Variants in CKM observed in about 807,000 individuals in gnomAD.
CKM encodes creatine kinase M-type.
In CKM, 28 loss-of-function variants were observed where a neutral mutation model predicts 35.4. The observed-to-expected ratio is 0.79, with a 90% CI of 0.59 to 1.08. The LOEUF (loss-of-function observed/expected upper bound fraction) is 1.08. Among genes scored for constraint, CKM ranks in the 50% least tolerant of loss-of-function variants. CKM has a pLI of 0.00. For synonymous variants in CKM, 215 were observed against 204.4 expected, an observed-to-expected ratio of 1.05 and a Z score of -0.44; for missense variants, 484 against 509.8, an observed-to-expected ratio of 0.95 and a Z score of 0.49.
rs427868 is a variant in CKM at position 45,311,092 on chromosome 19, A to T, written c.653+657T>A. Among the ~76,000 whole-genome samples, 190 of 131,678 alleles carry T rather than the reference A, an allele frequency of 1.4e-3. 1 individual carries two copies. Among genetic ancestry groups the T allele is most frequent in the African/African-American group, 4.9e-3 (169 of 34,434 alleles). The allele number at this position is 131,678 out of a possible 152,430, so 86.4% of individuals were successfully genotyped here. On this transcript the variant is annotated intron_variant, in intron 5 of 7. Coordinates refer to ENST00000221476, the MANE Select transcript of CKM (RefSeq NM_001824.5). ...ACCGCGCCTGGCTTTTTTTTTTTTT[A>T]ATTTTTGTAGCGACGTGGTCTCCCT...
intron 3 of CKM, among the ~76,000 whole-genome samples, chr19:45,317,468 G>A (rs1488003469): frequency 6.6e-6 from 1 of 151,922 alleles, no homozygotes; most frequent in Non-Finnish European, 1.5e-5. Context: ...TGTATTTTTA[G>A]TAGAGACGGG....
In CKM at chr19:45,308,449, A is replaced by T; in HGVS notation, c.737T>A (p.Met246Lys). The T allele has an allele frequency of 6.2e-7, 1 of 1,614,164 alleles. No individual in the cohort carries two copies. The highest frequency in any genetic ancestry group is 8.5e-7 in the Non-Finnish European group (1 of 1,180,016). The change falls in exon 6 of 8, where the codon ATG becomes AAG. Residue 246 changes from methionine (M) to lysine (K), a missense_variant. Met to Lys is a moderately conservative substitution (Grantham distance 95). Coordinates refer to ENST00000221476, the MANE Select transcript of CKM (RefSeq NM_001824.5). ...RVISMEKGGN[M>K]KEVFRRFCVG... ...GCAGAAGCGGCGGAAAACCTCCTTCATGTTGCCCCCCTTCTCCATGGAGAT... is the reference window on the plus strand; with the variant it reads ...GCAGAAGCGGCGGAAAACCTCCTTCTTGTTGCCCCCCTTCTCCATGGAGAT...
chr19:45,312,409 C>G (rs1036589247), intron 4 of CKM, among the ~76,000 whole-genome samples: 5 of 151,548 alleles, frequency 3.3e-5, no homozygotes, highest in African/African-American at 1.2e-4. Context: ...GGTAACATAG[C>G]AAGACCCCCA....
Position 45,306,652 on chromosome 19 carries a change from G to T in CKM, c.*98C>A. 1.5e-6 allele frequency: 2 copies of T among 1,338,980 alleles called. No individual in the cohort carries two copies. Among genetic ancestry groups the T allele is most frequent in the Non-Finnish European group, 2.1e-6 (2 of 942,222 alleles). 82.9% of individuals were successfully genotyped at this position (1,338,980 alleles called of 1,614,324 possible). On this transcript the variant is annotated 3_prime_UTR_variant, in exon 8 of 8. Transcript: ENST00000221476. The surrounding 1 kb of genome is among the most constrained non-coding windows in gnomAD (Gnocchi z 4.5). The stretch of plus-strand genomic sequence containing the variant: ...GAGAGAGCCCCCAGGTGGGACTCTG[G>T]GACAGGGGGCGGGGCGAGGAGTGAG...
intron 1 of CKM, among the ~76,000 whole-genome samples, chr19:45,321,731 T>C (rs1387754972): frequency 1.3e-5 from 2 of 152,106 alleles, no homozygotes; most frequent in East Asian, 3.9e-4. Flanking sequence ...GATGCTGGGA[T>C]TATGCGTGTG....
rs766301926 is a variant in CKM, at chr19:45,308,424, G to A, written c.762C>T (p.Cys254=). 2 of 1,614,200 alleles carry A rather than the reference G, an allele frequency of 1.2e-6. No homozygotes were observed. The highest frequency in any genetic ancestry group is 1.1e-5 in the South Asian group (1 of 91,090). ...GNMKEVFRRF[C]VGLQKIEEIF... is the part of the protein sequence containing the mutation. ...AGACACCCACCTTCTGCAGCCCTACGCAGAAGCGGCGGAAAACCTCCTTCA... is the reference window on the plus strand; with the variant it reads ...AGACACCCACCTTCTGCAGCCCTACACAGAAGCGGCGGAAAACCTCCTTCA... The change falls in exon 6 of 8, where the codon TGC becomes TGT. Residue 254 remains cysteine, a synonymous_variant. Coordinates refer to ENST00000221476, the MANE Select transcript of CKM (RefSeq NM_001824.5).
chr19:45,308,665 T>C (rs1971079259), intron 5 of CKM, 133 bp from the exon 6 acceptor site: 2 of 1,103,974 alleles, frequency 1.8e-6, no homozygotes, highest in Admixed American at 3.6e-5. Flanking sequence ...GGCATCTGCC[T>C]CCTCAAAACG....
At chr19:45,309,478 C>T (rs192429351) in intron 5 of CKM, among the ~76,000 whole-genome samples, 1 of 149,346 alleles carries the variant, frequency 6.7e-6, no homozygotes, top group East Asian at 2.0e-4. Context: ...ATCACTTGAC[C>T]TTGGAAGGTC....
intron 5 of CKM, among the ~76,000 whole-genome samples, 177 bp from the exon 6 acceptor site, chr19:45,308,709 G>A (rs1210322653): frequency 6.6e-6 from 1 of 152,162 alleles, no homozygotes. Context: ...TAATGTCACA[G>A]GATCTGCAAA....
At chr19:45,321,767 A>G (rs1971215282) in intron 1 of CKM, among the ~76,000 whole-genome samples, 1 of 151,948 alleles carries the variant, frequency 6.6e-6, no homozygotes, top group Admixed American at 6.6e-5. Flanking sequence ...TCCTACTGTT[A>G]TTATTATTTT....
At chr19:45,322,091 C>T (rs956740624) in intron 1 of CKM, among the ~76,000 whole-genome samples, 7 of 152,034 alleles carry the variant, frequency 4.6e-5, no homozygotes, top group Non-Finnish European at 8.8e-5. Context: ...TGGGAGGACA[C>T]GGGTCCAGGC....
In CKM at chr19:45,306,680, A is replaced by C. The variant is rs1971054462; in HGVS notation, c.*70T>G. On this transcript the variant is annotated 3_prime_UTR_variant, in exon 8 of 8. Coordinates refer to ENST00000221476, the MANE Select transcript of CKM (RefSeq NM_001824.5). The surrounding 1 kb of genome is among the most constrained non-coding windows in gnomAD (Gnocchi z 4.5). ...CAGGGGGCGGGGCGAGGAGTGAGGG[A>C]GCAGGACTCTGGTGGGCCAGGCCCT... The C allele has an allele frequency of 6.5e-7, 1 of 1,532,766 alleles. No individual in the cohort carries two copies. The highest frequency in any genetic ancestry group is 9.0e-7 in the Non-Finnish European group (1 of 1,110,318). 94.9% of individuals were successfully genotyped at this position (1,532,766 alleles called of 1,614,324 possible). A position where few individuals can be genotyped will look rare whatever the true frequency, so the allele number is the denominator to read the frequency against.
chr19:45,306,702 C>G lies in CKM; in HGVS notation c.*48G>C. On this transcript the variant is annotated 3_prime_UTR_variant, in exon 8 of 8. Coordinates refer to ENST00000221476, the MANE Select transcript of CKM (RefSeq NM_001824.5). This position sits in a 1 kb window ranked among gnomAD's most constrained non-coding sequence, Gnocchi z 4.5. ...GGGAGCAGGACTCTGGTGGGCCAGG[C>G]CCTCCCACTGGCTGGGTTCCAGCAG... 1 of 1,603,380 alleles carries G rather than the reference C, an allele frequency of 6.2e-7. No homozygotes were observed. The highest frequency in any genetic ancestry group is 8.5e-7 in the Non-Finnish European group (1 of 1,171,972).
chr19:45,308,029 A>T (rs1971071163), intron 6 of CKM, among the ~76,000 whole-genome samples: 1 of 151,636 alleles, frequency 6.6e-6, no homozygotes, highest in South Asian at 2.1e-4. Flanking sequence ...ACGCCTGGAT[A>T]ATTTATTTAT....
In CKM at chr19:45,315,512, T is replaced by C; in HGVS notation, c.434A>G (p.His145Arg). ...RSIKGYTLPP[H>R]CSRGERRAVE... ...CGCCCGGCGCTCGCCACGGGAGCAG[T>C]GTGGGGGCAACGTGTAGCCCTTGAT... The change falls in exon 4 of 8, where the codon CAC (histidine) becomes CGC (arginine). Residue 145 changes from histidine to arginine, a missense_variant. Physicochemically the swap from His to Arg is conservative, Grantham distance 29 (BLOSUM62 0). Coordinates refer to ENST00000221476, the MANE Select transcript of CKM (RefSeq NM_001824.5). 3.7e-6 allele frequency: 6 copies of C among 1,600,740 alleles called. No individual in the cohort carries two copies. Among genetic ancestry groups the C allele is most frequent in the South Asian group, 1.1e-5 (1 of 91,048 alleles).
intron 4 of CKM, 101 bp downstream of exon 4, chr19:45,315,364 A>C: frequency 7.5e-7 from 1 of 1,340,254 alleles, no homozygotes. Context: ...CTCTTCCCCT[A>C]CTTTGAAAAG....
chr19:45,310,265 C>T (rs368871498), intron 5 of CKM, among the ~76,000 whole-genome samples: 20 of 151,890 alleles, frequency 1.3e-4, no homozygotes, highest in East Asian at 3.9e-4. Flanking sequence ...GGACTACAGG[C>T]GCCTGCCACC....
At chr19:45,310,957 G>T (rs1338348844) in intron 5 of CKM, among the ~76,000 whole-genome samples, 7 of 126,268 alleles carry the variant, frequency 5.5e-5, no homozygotes, top group South Asian at 2.4e-4. Context: ...TTTTTTTGTA[G>T]TTTTAGTAGA....
rs1408402674 is a variant in CKM at position 45,315,541 on chromosome 19, G to A, written c.405C>T (p.Arg135=). Residue 135 remains arginine, a synonymous_variant, in exon 4 of 8, where the codon CGC becomes CGT. Coordinates refer to ENST00000221476, the MANE Select transcript of CKM (RefSeq NM_001824.5). ...GGGGCAACGTGTAGCCCTTGATGCT[G>A]CGGCCAGTGCGGACGCGGCTGCTGA... ...YVLSSRVRTG[R]SIKGYTLPPH... is the part of the protein sequence containing the mutation. 6.2e-7 allele frequency: 1 copy of A among 1,602,750 alleles called. No homozygotes were observed. Among genetic ancestry groups the A allele is most frequent in the Non-Finnish European group, 8.5e-7 (1 of 1,179,964 alleles).
Sources: allele counts gnomAD v4.1 joint callset (sites outside exome capture counted in the v4.1 genomes callset), GRCh38; gene constraint gnomAD v4.1.1; non-coding constraint Gnocchi (gnomAD v3.1); transcripts MANE v1.5; gene names NCBI Gene and HGNC (gene_info 2026-07-23, HGNC 2026-07-21).